The following SH3TC2 variants were observed in gnomAD, a reference collection of about 807,000 sequenced individuals.
SH3TC2 encodes the protein SH3 domain and tetratricopeptide repeats 2.
SH3TC2 carries 87 observed loss-of-function variants against 124.5 expected under a neutral mutation model. The observed-to-expected ratio is 0.70, with a 90% CI of 0.59 to 0.84. SH3TC2 has a LOEUF of 0.84. SH3TC2 is among the 40% of genes least tolerant of loss of function. The pLI is 0.00. For missense variants in SH3TC2, 1,536 were observed against 1,566.4 expected (o/e 0.98, Z 0.33); for synonymous variants, 634 against 628.5 (o/e 1.01, Z -0.13).
At chr5:149,020,670 A>T (rs952030498) in intron 12 of SH3TC2, among the ~76,000 whole-genome samples, 1 of 152,208 alleles carries the variant, frequency 6.6e-6, no homozygotes, top group African/African-American at 2.4e-5. Context: ...TGGCTATGCT[A>T]ATATCAGATA....
At chr5:149,059,273 G>A (rs944315759) in intron 1 of SH3TC2, among the ~76,000 whole-genome samples, 4 of 152,082 alleles carry the variant, frequency 2.6e-5, no homozygotes, top group African/African-American at 9.7e-5. Flanking sequence ...GGGTAGGAAT[G>A]GGTAGGGACC....
Position 149,004,667 on chromosome 5 carries a change from C to T in SH3TC2, c.*44G>A, listed in dbSNP as rs200095406. On this transcript the variant is annotated 3_prime_UTR_variant, in exon 17 of 17. Transcript: ENST00000515425. The stretch of plus-strand genomic sequence containing the variant: ...ATTTAAGAGCCTAGGGCAGTGGGGT[C>T]AGAGTCTGGCCATGCCAAATGTCCA... The T allele has an allele frequency of 5.4e-5, 86 of 1,606,264 alleles. 1 individual carries two copies. In the African/African-American group the frequency reaches 1.1e-3, roughly 20 times the overall value.
At chr5:149,034,498 A>T in intron 8 of SH3TC2, 1 of 424,012 alleles carries the variant, frequency 2.4e-6, no homozygotes, top group East Asian at 7.7e-5. Flanking sequence ...ATGAATCTTC[A>T]TATTGAAGAA....
At position 148,985,971 on chromosome 5, in the gene SH3TC2, T is replaced by C. The variant is rs373932787; in HGVS notation, c.*18740A>G. On this transcript the variant is annotated 3_prime_UTR_variant, in exon 17 of 17. Transcript: ENST00000515425. ...ATACCACTCGATCATTTTTCTGACA[T>C]GAGACTTACAGAGTATCATCTCTAG... Among the ~76,000 whole-genome samples, 167 of 152,332 alleles carry C rather than the reference T, an allele frequency of 1.1e-3. No individual in the cohort carries two copies. The highest frequency in any genetic ancestry group is 3.8e-3 in the African/African-American group (159 of 41,584).
At chr5:149,053,038 G>A (rs1363832986) in intron 1 of SH3TC2, among the ~76,000 whole-genome samples, 1 of 152,164 alleles carries the variant, frequency 6.6e-6, no homozygotes, top group Non-Finnish European at 1.5e-5. Context: ...CCATAAAACT[G>A]TTCAAGAACT....
chr5:149,012,456 A>C, intron 13 of SH3TC2, 128 bp downstream of exon 13: 1 of 1,253,884 alleles, frequency 8.0e-7, no homozygotes, highest in Non-Finnish European at 1.1e-6. Flanking sequence ...CCCAGTGTTG[A>C]CCCTTTCTCC....
chr5:149,055,772 T>C (rs900818682), intron 1 of SH3TC2, among the ~76,000 whole-genome samples: 2 of 152,164 alleles, frequency 1.3e-5, no homozygotes, highest in African/African-American at 2.4e-5. Flanking sequence ...GATGTATATA[T>C]AATATATAAT....
intron 8 of SH3TC2, among the ~76,000 whole-genome samples, chr5:149,037,523 C>T (rs1472917186): frequency 2.0e-5 from 3 of 152,240 alleles, no homozygotes; most frequent in Non-Finnish European, 2.9e-5. Flanking sequence ...AGTCTCTGTT[C>T]AGATCGTTAG....
intron 8 of SH3TC2, among the ~76,000 whole-genome samples, chr5:149,033,211 T>C (rs1469761913): frequency 6.6e-6 from 1 of 152,138 alleles, no homozygotes; most frequent in African/African-American, 2.4e-5. Context: ...TCTGCTAAAG[T>C]CCTGAGTTCC....
At chr5:149,020,789 A>C (rs1753955643) in intron 12 of SH3TC2, among the ~76,000 whole-genome samples, 1 of 152,178 alleles carries the variant, frequency 6.6e-6, no homozygotes, top group Non-Finnish European at 1.5e-5. Flanking sequence ...CCTAATAACA[A>C]TGCCCCAAAA....
At position 148,996,449 on chromosome 5, in the gene SH3TC2, A is replaced by G. The variant is rs1753511222; in HGVS notation, c.*8262T>C. On this transcript the variant is annotated 3_prime_UTR_variant, in exon 17 of 17. Coordinates refer to ENST00000515425, the MANE Select transcript of SH3TC2 (RefSeq NM_024577.4). ...TTTCTGTTTGCTATCCTTTCCCTCC[A>G]CCCACTACAGCCCCAAAGCTACATG... Among the ~76,000 whole-genome samples, 1 of 152,190 alleles carries G rather than the reference A, an allele frequency of 6.6e-6. No homozygotes were observed. The highest frequency in any genetic ancestry group is 2.1e-4 in the South Asian group (1 of 4,830).
At chr5:149,051,544 C>T (rs1281074174) in intron 2 of SH3TC2, among the ~76,000 whole-genome samples, 2 of 152,176 alleles carry the variant, frequency 1.3e-5, no homozygotes, top group African/African-American at 4.8e-5. Context: ...CTCGACGTCC[C>T]AGGCTCAGGC....
rs1487262897 is a variant in SH3TC2, at chr5:148,990,879, T to C, written c.*13832A>G. Among the ~76,000 whole-genome samples, 2 of 152,234 alleles carry C rather than the reference T, an allele frequency of 1.3e-5. No homozygotes were observed. The highest frequency in any genetic ancestry group is 4.8e-5 in the African/African-American group (2 of 41,472). ...TCTCTTTTAATTTTCACAGCAATTC[T>C]ATAAGGCAAGTTCTGGGATAACCCA... On this transcript the variant is annotated 3_prime_UTR_variant, in exon 17 of 17. Coordinates refer to ENST00000515425, the MANE Select transcript of SH3TC2 (RefSeq NM_024577.4).
In SH3TC2 at chr5:149,001,086, CT is replaced by C. The variant is rs1753589717; in HGVS notation, c.*3624del. 2.0e-5 allele frequency among the ~76,000 whole-genome samples: 3 copies of C among 152,252 alleles called. No individual in the cohort carries two copies. The South Asian group carries it at 6.2e-4, about 32-fold the overall frequency. ...CTTCCTGATCCCTCATCCTAACACC[CT>C]CCATTCCTGCATATTCCCTTCCCCA... is the stretch of plus-strand genomic sequence containing the variant. On this transcript the variant is annotated 3_prime_UTR_variant, in exon 17 of 17. Transcript: ENST00000515425.
At chr5:149,017,475 C>T (rs1580894341) in intron 12 of SH3TC2, among the ~76,000 whole-genome samples, 1 of 152,158 alleles carries the variant, frequency 6.6e-6, no homozygotes, top group South Asian at 2.1e-4. Context: ...AGAGTAAAAA[C>T]CTGAAGGCTG....
At position 148,984,595 on chromosome 5, in the gene SH3TC2, A is replaced by G. The variant is rs544168289; in HGVS notation, c.*20116T>C. Among the ~76,000 whole-genome samples the G allele has an allele frequency of 1.3e-5, 2 of 152,210 alleles. No homozygotes were observed. The highest frequency in any genetic ancestry group is 2.9e-5 in the Non-Finnish European group (2 of 68,004). On this transcript the variant is annotated 3_prime_UTR_variant, in exon 17 of 17. Transcript: ENST00000515425. Reference sequence around the variant, plus strand: ...GACTCAGTCTTCTGCCTCACTCTGGACTAGGCAATGCTTCATATATCTCCA... The same window carrying G: ...GACTCAGTCTTCTGCCTCACTCTGGGCTAGGCAATGCTTCATATATCTCCA...
Position 149,012,588 on chromosome 5 carries a change from A to G in SH3TC2, c.3200T>C (p.Leu1067Pro), listed in dbSNP as rs1428256577. 1 of 1,614,056 alleles carries G rather than the reference A, an allele frequency of 6.2e-7. No homozygotes were observed. Among genetic ancestry groups the G allele is most frequent in the Non-Finnish European group, 8.5e-7 (1 of 1,180,036 alleles). ...AGAGCTCTGCAGGAGGCCTACCTGC[A>G]GGCACAGCTCCACCAGCTCGTCTTC... ...MQEDELVELC[L>P]QAAIQTALKS... The change falls in exon 13 of 17, where the codon CTG (leucine) becomes CCG (proline). Residue 1067 changes from leucine (L) to proline (P), a missense_variant. Leu to Pro is a moderately conservative substitution (Grantham distance 98). This residue lies in a region of SH3TC2 where 426 missense variants were observed against 443.5 expected (regional missense o/e 0.96). Coordinates refer to ENST00000515425, the MANE Select transcript of SH3TC2 (RefSeq NM_024577.4).
chr5:149,033,922 A>G (rs1206661848), intron 8 of SH3TC2, among the ~76,000 whole-genome samples: 2 of 152,218 alleles, frequency 1.3e-5, no homozygotes, highest in African/African-American at 4.8e-5. Flanking sequence ...ATCCATATAA[A>G]ACCCATCTTT....
At chr5:149,056,856 C>T (rs1260911009) in intron 1 of SH3TC2, among the ~76,000 whole-genome samples, 5 of 151,974 alleles carry the variant, frequency 3.3e-5, no homozygotes, top group Non-Finnish European at 1.5e-5. Context: ...GGAAAAGAAC[C>T]AGAGATGATT....
Sources: allele counts gnomAD v4.1 joint callset (sites outside exome capture counted in the v4.1 genomes callset), GRCh38; gene constraint gnomAD v4.1.1; regional missense constraint gnomAD v4.1.1; transcripts MANE v1.5; gene names NCBI Gene and HGNC (gene_info 2026-07-23, HGNC 2026-07-21).